The following GALK1 variants were observed in gnomAD, a reference collection of about 807,000 sequenced individuals.
The protein encoded by GALK1 is galactokinase.
Under a neutral mutation model 38.6 loss-of-function variants are expected in GALK1, and 30 were observed. The ratio of observed to expected loss-of-function variants is 0.78; its 90% confidence interval spans 0.58 to 1.05. The LOEUF is 1.05. Ranked by LOEUF, GALK1 falls within the 50% of genes least tolerant of loss-of-function variation. The pLI is 0.00. For missense variants in GALK1, 512 were observed against 540.5 expected (o/e 0.95, Z 0.52); for synonymous variants, 240 against 233.6 (o/e 1.03, Z -0.25).
At chr17:75,755,596 GTGTAGACA>G (rs1233862303), downstream of GALK1, 2 of 1,442,090 alleles carry the variant, frequency 1.4e-6, no homozygotes, top group African/African-American at 2.8e-5. Context: ...CCAGCGGTCA[GTGTAGACA>G]TGCCAGCTGA....
In GALK1 at chr17:75,764,288, G is replaced by GGCTGCA. The variant is rs753457907; in HGVS notation, c.166-208_166-203dup. ...CCCCTTAGGTCTTCAGGGGCGGGGC[G>GGCTGCA]GCTGCAGCTGGAGCACAGACCTGGA... On this transcript the variant is annotated intron_variant, in intron 1 of 7. Transcript: ENST00000588479. The GGCTGCA allele has an allele frequency of 4.0e-6, 3 of 759,428 alleles. No homozygotes were observed. In the East Asian group the frequency reaches 7.4e-5, roughly 19 times the overall value. 47.0% of individuals were successfully genotyped at this position (759,428 alleles called of 1,614,324 possible). A position where few individuals can be genotyped will look rare whatever the true frequency, so the allele number is the denominator to read the frequency against.
rs2061569745 is a variant in GALK1 at position 75,758,698 on chromosome 17, C to T, written c.794-99G>A. The stretch of plus-strand genomic sequence containing the variant: ...GGTGATGGCAGTGGCCCTGGCTGGA[C>T]GGTGAAGGGTGGAAGGCCGCGGGGG... On this transcript the variant is annotated intron_variant, in intron 5 of 7. Coordinates refer to ENST00000588479, the MANE Select transcript of GALK1 (RefSeq NM_000154.2). 25 of 1,472,958 alleles carry T rather than the reference C, an allele frequency of 1.7e-5. No individual in the cohort carries two copies. The East Asian group carries it at 1.7e-4, about 10-fold the overall frequency. 91.2% of individuals were successfully genotyped at this position (1,472,958 alleles called of 1,614,324 possible).
rs1461527832 is a variant in GALK1 at position 75,763,892 on chromosome 17, C to T, written c.355+5G>A. On this transcript the variant is annotated splice_donor_5th_base_variant and intron_variant, in intron 2 of 7. Coordinates refer to ENST00000588479, the MANE Select transcript of GALK1 (RefSeq NM_000154.2). ...GAGGACTTGGCTCAGGCCTGGGCCC[C>T]ATACCTGGGTAGTACTGAATCACTC... is the stretch of plus-strand genomic sequence containing the variant. 13 of 1,613,620 alleles carry T rather than the reference C, an allele frequency of 8.1e-6. No homozygotes were observed. The highest frequency in any genetic ancestry group is 1.1e-5 in the Non-Finnish European group (13 of 1,179,882).
chr17:75,758,639 C>A, intron 5 of GALK1, 40 bp from the exon 6 acceptor site: 1 of 1,558,504 alleles, frequency 6.4e-7, no homozygotes, highest in Non-Finnish European at 8.6e-7. Context: ...CTTCTCACTG[C>A]CTGGGGCCCC....
intron 5 of GALK1, among the ~76,000 whole-genome samples, chr17:75,759,887 C>T (rs971164418): frequency 6.6e-6 from 1 of 152,190 alleles, no homozygotes; most frequent in African/African-American, 2.4e-5. Context: ...AGAGCATGGG[C>T]CCTGGAGCTA....
chr17:75,758,719 G>C (rs750071646), intron 5 of GALK1, 120 bp from the exon 6 acceptor site: 44 of 1,275,564 alleles, frequency 3.4e-5, no homozygotes, highest in Non-Finnish European at 4.8e-5. Context: ...GGAAGGCCGC[G>C]GGGGCAGGGC....
downstream of GALK1, chr17:75,756,436 G>A: frequency 6.2e-7 from 1 of 1,613,264 alleles, no homozygotes; most frequent in Non-Finnish European, 8.5e-7. Context: ...CAGGTGAGCT[G>A]CATCGGCTCA....
At chr17:75,757,437 A>G (rs1192767025), downstream of GALK1, 2 of 1,613,114 alleles carry the variant, frequency 1.2e-6, no homozygotes, top group Admixed American at 3.3e-5. Flanking sequence ...CTGGGGGCCC[A>G]GCACCTGGAG....
chr17:75,754,408 C>T, downstream of GALK1: 2 of 782,332 alleles, frequency 2.6e-6, no homozygotes, highest in Non-Finnish European at 4.1e-6. Flanking sequence ...CCCTTGGGCT[C>T]CTGCAGGGAC....
chr17:75,754,589 T>A, downstream of GALK1: 1 of 1,613,728 alleles, frequency 6.2e-7, no homozygotes, highest in Non-Finnish European at 8.5e-7. Flanking sequence ...ACCTGGTGAA[T>A]GGCCGGATGG....
chr17:75,757,138 C>T (rs770472293), downstream of GALK1: 5 of 1,612,726 alleles, frequency 3.1e-6, no homozygotes, highest in South Asian at 3.3e-5. Context: ...TCACCCCCAC[C>T]CCTCCTCGGG....
exon 9 of GALK1, chr17:75,751,689 C>T (rs1275526252): frequency 4.5e-6 from 1 of 220,874 alleles, no homozygotes; most frequent in African/African-American, 2.3e-5. Flanking sequence ...TGCAGTGAAC[C>T]GAGATCGTGT....
chr17:75,764,928 G>C, intron 1 of GALK1, 44 bp downstream of exon 1: 1 of 1,585,646 alleles, frequency 6.3e-7, no homozygotes, highest in Non-Finnish European at 8.6e-7. Flanking sequence ...TCGGCGGCCG[G>C]GACAGGCGGC....
intron 5 of GALK1, among the ~76,000 whole-genome samples, chr17:75,761,788 C>T (rs970351820): frequency 4.0e-5 from 6 of 150,926 alleles, no homozygotes; most frequent in African/African-American, 7.3e-5. Context: ...AAGGCTGAGG[C>T]GGGAGGATCA....
chr17:75,754,663 A>G (rs775381720), downstream of GALK1: 3 of 1,613,866 alleles, frequency 1.9e-6, no homozygotes, highest in Non-Finnish European at 2.5e-6. Context: ...GCTGCTGCCT[A>G]TGGCACCCAC....
downstream of GALK1, chr17:75,754,934 G>A: frequency 1.9e-6 from 3 of 1,539,100 alleles, no homozygotes; most frequent in Non-Finnish European, 2.7e-6. Context: ...ACACACGCAT[G>A]CACACATGCA....
At chr17:75,753,947 C>A (rs1323152048), downstream of GALK1, 7 of 1,271,928 alleles carry the variant, frequency 5.5e-6, no homozygotes, top group African/African-American at 1.6e-5. Flanking sequence ...CAGCCTGCCC[C>A]GCAGTGCGAC....
chr17:75,757,254 G>T (rs147573071), downstream of GALK1: 2 of 1,611,928 alleles, frequency 1.2e-6, no homozygotes, highest in Non-Finnish European at 1.7e-6. Context: ...CCGCTGCAAA[G>T]CGAGTACAGC....
downstream of GALK1, among the ~76,000 whole-genome samples, chr17:75,754,269 A>G (rs2061435530): frequency 6.6e-6 from 1 of 152,136 alleles, no homozygotes; most frequent in Non-Finnish European, 1.5e-5. Context: ...GACAGGAGGG[A>G]AGGCTTGGGG....
Sources: allele counts gnomAD v4.1 joint callset (sites outside exome capture counted in the v4.1 genomes callset), GRCh38; gene constraint gnomAD v4.1.1; transcripts MANE v1.5; gene names NCBI Gene and HGNC (gene_info 2026-07-23, HGNC 2026-07-21).